Variants in GRIN2B observed in about 807,000 individuals in gnomAD.
The protein encoded by GRIN2B is glutamate ionotropic receptor NMDA type subunit 2B.
In GRIN2B, 5 loss-of-function variants were observed where a neutral mutation model predicts 114.5. The observed-to-expected ratio is 0.04, with a 90% CI of 0.02 to 0.09. The LOEUF (loss-of-function observed/expected upper bound fraction) is 0.09. Among genes scored for constraint, GRIN2B ranks in the 10% least tolerant of loss-of-function variants. The pLI is 1.00. For synonymous variants in GRIN2B, 787 were observed against 745.1 expected, an observed-to-expected ratio of 1.06 and a Z score of -0.92; for missense variants, 1,108 against 1,943.5, an observed-to-expected ratio of 0.57 and a Z score of 8.08.
intron 4 of GRIN2B, among the ~76,000 whole-genome samples, chr12:13,739,643 A>T (rs1173473222): frequency 6.6e-6 from 1 of 151,294 alleles, no homozygotes; most frequent in African/African-American, 2.4e-5. Context: ...GTGGCTGATG[A>T]GAAAGATTCT....
At chr12:13,651,103 T>G (rs1040516286) in intron 5 of GRIN2B, among the ~76,000 whole-genome samples, 2 of 152,096 alleles carry the variant, frequency 1.3e-5, no homozygotes, top group Non-Finnish European at 2.9e-5. Flanking sequence ...TACCTGCCAG[T>G]GCTAGAAGAA....
At chr12:13,925,911 CT>C (rs1198188460) in intron 2 of GRIN2B, among the ~76,000 whole-genome samples, 10 of 152,096 alleles carry the variant, frequency 6.6e-5, no homozygotes, top group African/African-American at 2.2e-4. Flanking sequence ...TCTCGTCATT[CT>C]TTCCAGACTA....
chr12:13,753,478 A>G lies in GRIN2B; in HGVS notation c.849T>C (p.Asp283=). The change falls in exon 4 of 14, where the codon GAT becomes GAC. Residue 283 remains aspartate (D), a synonymous_variant. Coordinates refer to ENST00000609686, the MANE Select transcript of GRIN2B (RefSeq NM_000834.5). This position sits in a 1 kb window ranked among gnomAD's most constrained non-coding sequence, Gnocchi z 6.2. The part of the protein sequence containing the change: ...FPTGLISVSY[D]EWDYGLPARV... Reference sequence around the variant, plus strand: ...TGGCGGGGAGGCCATAGTCCCATTCATCATATGATACAGAGATGAGCCCAG... The same window carrying G: ...TGGCGGGGAGGCCATAGTCCCATTCGTCATATGATACAGAGATGAGCCCAG... 2 of 1,614,142 alleles carry G rather than the reference A, an allele frequency of 1.2e-6. No individual in the cohort carries two copies. The highest frequency in any genetic ancestry group is 1.1e-5 in the South Asian group (1 of 91,078).
At chr12:13,730,740 T>C (rs1863074591) in intron 4 of GRIN2B, among the ~76,000 whole-genome samples, 1 of 152,082 alleles carries the variant, frequency 6.6e-6, no homozygotes, top group East Asian at 1.9e-4. Context: ...GTTTATAAAA[T>C]GATCAAACAT....
chr12:13,612,805 A>G (rs1317889510), intron 8 of GRIN2B, among the ~76,000 whole-genome samples: 2 of 152,166 alleles, frequency 1.3e-5, no homozygotes, highest in Non-Finnish European at 2.9e-5. Flanking sequence ...CCATGATACA[A>G]TGCTCCCTCA....
rs1264647600 is a variant in GRIN2B at position 13,811,492 on chromosome 12, G to A, written c.411+54306C>T. ...GCTACTTGGAAGACTGAGGCAGGAG[G>A]ATCACTTGAGCCTAGAAGGGCGAGG... is the stretch of plus-strand genomic sequence containing the variant. On this transcript the variant is annotated intron_variant, in intron 3 of 13. Transcript: ENST00000609686. Among the ~76,000 whole-genome samples, 6 of 152,302 alleles carry A rather than the reference G, an allele frequency of 3.9e-5. No individual in the cohort carries two copies. The South Asian group carries it at 6.2e-4, about 16-fold the overall frequency.
rs182227318 is a variant in GRIN2B, at chr12:13,639,664, A to G, written c.1126-23007T>C. Among the ~76,000 whole-genome samples the G allele has an allele frequency of 3.9e-3, 593 of 152,230 alleles. 1 individual carries two copies. Among genetic ancestry groups the G allele is most frequent in the Non-Finnish European group, 5.1e-3 (350 of 68,000 alleles). The stretch of plus-strand genomic sequence containing the variant: ...TGTGCCCCAGAAGAGAGATGACCTG[A>G]TCAGCACTCAGAATGCTCTTATCAG... On this transcript the variant is annotated intron_variant, in intron 5 of 13. Transcript: ENST00000609686.
chr12:13,702,925 G>A (rs539174714), intron 4 of GRIN2B, among the ~76,000 whole-genome samples: 1 of 152,252 alleles, frequency 6.6e-6, no homozygotes, highest in Non-Finnish European at 1.5e-5. Flanking sequence ...TGTATAGAAA[G>A]GGCACTGCAC....
At chr12:13,657,712 T>A (rs1431692502) in intron 5 of GRIN2B, among the ~76,000 whole-genome samples, 1 of 152,116 alleles carries the variant, frequency 6.6e-6, no homozygotes, top group Non-Finnish European at 1.5e-5. Context: ...AATTTAAAAA[T>A]CATGGGATAA....
chr12:13,958,768 C>T (rs1360433447), intron 2 of GRIN2B, among the ~76,000 whole-genome samples: 1 of 152,130 alleles, frequency 6.6e-6, no homozygotes, highest in African/African-American at 2.4e-5. Context: ...CATCCTCCTC[C>T]TCTTCTTCCC....
chr12:13,872,043 T>C (rs1018967043), intron 2 of GRIN2B, among the ~76,000 whole-genome samples: 1 of 151,028 alleles, frequency 6.6e-6, no homozygotes, highest in Non-Finnish European at 1.5e-5. Flanking sequence ...GTACAGATGG[T>C]TTTATAGATT....
intron 2 of GRIN2B, among the ~76,000 whole-genome samples, chr12:13,912,289 G>A (rs144758024): frequency 2.6e-5 from 4 of 152,244 alleles, no homozygotes; most frequent in South Asian, 2.1e-4. Context: ...CAGAGAGAGA[G>A]AAGCAAAAGA....
At chr12:13,857,444 T>C (rs79037547) in intron 3 of GRIN2B, among the ~76,000 whole-genome samples, 3,656 of 152,084 alleles carry the variant, frequency 0.024, 77 homozygotes, top group Middle Eastern at 0.058. Context: ...ATCACCCTCA[T>C]ACATTCCCAA....
Position 13,562,167 on chromosome 12 carries a change from C to CCACTATCGAGTCT in GRIN2B, c.*603_*615dup, listed in dbSNP as rs1948553819. 1 of 153,676 alleles carries CCACTATCGAGTCT rather than the reference C, an allele frequency of 6.5e-6. No individual in the cohort carries two copies. Among genetic ancestry groups the CCACTATCGAGTCT allele is most frequent in the African/African-American group, 2.4e-5 (1 of 41,456 alleles). The allele number at this position is 153,676 out of a possible 1,614,324, so 9.5% of individuals were successfully genotyped here. On this transcript the variant is annotated 3_prime_UTR_variant, in exon 14 of 14. Transcript: ENST00000609686. ...CAATGACCTTTTGTTCTGTTCACCA[C>CCACTATCGAGTCT]CACTATCGAGTCTCATGGGGTTGAA...
chr12:13,637,768 C>A (rs1949679203), intron 5 of GRIN2B, among the ~76,000 whole-genome samples: 1 of 152,176 alleles, frequency 6.6e-6, no homozygotes, highest in South Asian at 2.1e-4. Flanking sequence ...GAAACTGCAT[C>A]TATTAAGAAA....
In GRIN2B at chr12:13,567,954, A is replaced by G. The variant is rs913052035; in HGVS notation, c.2360-691T>C. Among the ~76,000 whole-genome samples, 12 of 151,986 alleles carry G rather than the reference A, an allele frequency of 7.9e-5. 1 individual carries two copies. Among genetic ancestry groups the G allele is most frequent in the African/African-American group, 2.9e-4 (12 of 41,382 alleles). ...GAGTGATTCAGAAAATTGCCCTTAA[A>G]ATTGTGCAAAGCAGATTGGGTAGGG... On this transcript the variant is annotated intron_variant, in intron 12 of 13. Transcript: ENST00000609686.
At chr12:13,650,544 C>T (rs1242589703) in intron 5 of GRIN2B, among the ~76,000 whole-genome samples, 1 of 152,030 alleles carries the variant, frequency 6.6e-6, no homozygotes, top group Non-Finnish European at 1.5e-5. Flanking sequence ...GACGACCAGC[C>T]ACCCTTTCTT....
chr12:13,624,765 G>A (rs938558185), intron 5 of GRIN2B, among the ~76,000 whole-genome samples: 1 of 152,118 alleles, frequency 6.6e-6, no homozygotes, highest in African/African-American at 2.4e-5. Context: ...GCCATCTCGG[G>A]CCTCAGATGC....
chr12:13,877,286 G>C (rs868540000), intron 2 of GRIN2B, among the ~76,000 whole-genome samples: 3 of 150,218 alleles, frequency 2.0e-5, no homozygotes, highest in African/African-American at 2.4e-5. Flanking sequence ...ACCTCAAAGA[G>C]AGCCCTGTAG....
Sources: allele counts gnomAD v4.1 joint callset (sites outside exome capture counted in the v4.1 genomes callset), GRCh38; gene constraint gnomAD v4.1.1; non-coding constraint Gnocchi (gnomAD v3.1); transcripts MANE v1.5; gene names NCBI Gene and HGNC (gene_info 2026-07-23, HGNC 2026-07-21).